DCTN5: variants seen among roughly 807,000 people sequenced by gnomAD.
The protein encoded by DCTN5 is dynactin 4.
Under a neutral mutation model 23.5 loss-of-function variants are expected in DCTN5, and 14 were observed. The observed-to-expected ratio is 0.60, with a 90% CI of 0.39 to 0.93. The LOEUF (loss-of-function observed/expected upper bound fraction) is 0.93. Ranked by LOEUF, DCTN5 falls within the 40% of genes least tolerant of loss-of-function variation. The pLI is 0.00. For synonymous variants in DCTN5, 67 were observed against 79.6 expected (o/e 0.84, Z 0.84); for missense variants, 156 against 225.9 (o/e 0.69, Z 1.98).
chr16:23,643,459 C>G (rs1967354554), intron 2 of DCTN5, among the ~76,000 whole-genome samples: 1 of 152,054 alleles, frequency 6.6e-6, no homozygotes, highest in Non-Finnish European at 1.5e-5. Context: ...TCCCAAAGTG[C>G]TGGGATTATA....
chr16:23,650,598 T>TA lies in DCTN5; in HGVS notation c.117+7576dup, dbSNP rs1967582315. Among the ~76,000 whole-genome samples, 2 of 152,012 alleles carry TA rather than the reference T, an allele frequency of 1.3e-5. 1 individual carries two copies. The highest frequency in any genetic ancestry group is 4.2e-4 in the South Asian group (2 of 4,810). On this transcript the variant is annotated intron_variant, in intron 2 of 5. Transcript: ENST00000300087. ...CTTTGGCCTCCCAAAGTGCTGGGAT[T>TA]ACAGGCATGAGCCACTGCACCCGGC...
intron 2 of DCTN5, 26 bp from the exon 3 acceptor site, chr16:23,658,481 T>G: frequency 1.3e-6 from 2 of 1,550,596 alleles, no homozygotes; most frequent in Non-Finnish European, 1.8e-6. Flanking sequence ...TGTTGCTAAT[T>G]TTTTAAAATT....
chr16:23,663,473 G>A (rs1967851643), intron 4 of DCTN5, among the ~76,000 whole-genome samples: 2 of 152,152 alleles, frequency 1.3e-5, no homozygotes, highest in South Asian at 4.1e-4. Context: ...CAGCACTTTG[G>A]GAGGCCGAGG....
chr16:23,675,472 C>T lies in DCTN5; in HGVS notation c.*8328C>T, dbSNP rs1309295227. 1 of 149,592 alleles carries T rather than the reference C, an allele frequency of 6.7e-6. No individual in the cohort carries two copies. Among genetic ancestry groups the T allele is most frequent in the Non-Finnish European group, 1.5e-5 (1 of 67,824 alleles). The allele number at this position is 149,592 out of a possible 1,614,324, so 9.3% of individuals were successfully genotyped here. The stretch of plus-strand genomic sequence containing the variant: ...CCAAAATCGTGCCACCGCACTCTAG[C>T]CTGGGCAACAGAGCCAGACCATATC... On this transcript the variant is annotated 3_prime_UTR_variant, in exon 6 of 6. Coordinates refer to ENST00000300087, the MANE Select transcript of DCTN5 (RefSeq NM_032486.4).
intron 2 of DCTN5, among the ~76,000 whole-genome samples, chr16:23,654,559 C>T (rs1200324833): frequency 6.6e-6 from 1 of 152,156 alleles, no homozygotes; most frequent in Non-Finnish European, 1.5e-5. Flanking sequence ...ACCTCCATGA[C>T]ACAAGTTTAC....
chr16:23,655,270 A>G (rs1003209527), intron 2 of DCTN5, among the ~76,000 whole-genome samples: 4 of 152,224 alleles, frequency 2.6e-5, no homozygotes, highest in African/African-American at 9.6e-5. Context: ...AGCTTCCATA[A>G]TTAGCAATAT....
intron 5 of DCTN5, chr16:23,666,801 G>C (rs951171211): frequency 3.1e-5 from 17 of 554,832 alleles, no homozygotes; most frequent in Admixed American, 2.0e-4. Context: ...ATTCTACCGT[G>C]TCATGCATCT....
intron 2 of DCTN5, among the ~76,000 whole-genome samples, chr16:23,651,706 T>C (rs1183102332): frequency 6.6e-6 from 1 of 152,188 alleles, no homozygotes; most frequent in Non-Finnish European, 1.5e-5. Flanking sequence ...AGATAATCTC[T>C]TTAAGCTTGA....
intron 1 of DCTN5, among the ~76,000 whole-genome samples, chr16:23,642,411 T>A (rs898816041): frequency 6.6e-6 from 1 of 152,246 alleles, no homozygotes; most frequent in Non-Finnish European, 1.5e-5. Flanking sequence ...GGGATTTGAA[T>A]CCGCGTCTGT....
intron 2 of DCTN5, among the ~76,000 whole-genome samples, chr16:23,648,582 T>G (rs1447310976): frequency 6.6e-6 from 1 of 151,932 alleles, no homozygotes; most frequent in Non-Finnish European, 1.5e-5. Flanking sequence ...ACTCCTGACC[T>G]CAAGTATTCC....
chr16:23,654,364 A>G (rs1033649090), intron 2 of DCTN5, among the ~76,000 whole-genome samples: 2 of 152,122 alleles, frequency 1.3e-5, no homozygotes, highest in African/African-American at 4.8e-5. Context: ...ATGAGATCAT[A>G]TTTTTTGCAG....
chr16:23,655,304 A>G (rs1291663389), intron 2 of DCTN5, among the ~76,000 whole-genome samples: 2 of 152,182 alleles, frequency 1.3e-5, no homozygotes, highest in Non-Finnish European at 2.9e-5. Flanking sequence ...CTTCATCTCT[A>G]AACTCACCTT....
intron 2 of DCTN5, chr16:23,650,630 G>C: frequency 1.1e-6 from 1 of 904,998 alleles, no homozygotes; most frequent in Non-Finnish European, 1.7e-6. Flanking sequence ...CGGCTGGCCC[G>C]TCTGTGCATT....
rs1968035221 is a variant in DCTN5, at chr16:23,673,069, A to G, written c.*5925A>G. 2 of 148,798 alleles carry G rather than the reference A, an allele frequency of 1.3e-5. No individual in the cohort carries two copies. Among genetic ancestry groups the G allele is most frequent in the South Asian group, 2.3e-4 (1 of 4,386 alleles). The allele number at this position is 148,798 out of a possible 1,614,324, so 9.2% of individuals were successfully genotyped here. On this transcript the variant is annotated 3_prime_UTR_variant, in exon 6 of 6. Coordinates refer to ENST00000300087, the MANE Select transcript of DCTN5 (RefSeq NM_032486.4). The stretch of plus-strand genomic sequence containing the variant: ...CGCGAACCCAGGGGGCGGAGCTTGC[A>G]GTGAGCTGTAATTGTGCCACTGCAC...
intron 2 of DCTN5, among the ~76,000 whole-genome samples, chr16:23,655,066 G>A (rs933696319): frequency 3.3e-5 from 5 of 152,106 alleles, no homozygotes; most frequent in Non-Finnish European, 7.4e-5. Flanking sequence ...GGATATCTGG[G>A]TTAGAATCAT....
Position 23,648,802 on chromosome 16 carries a change from G to A in DCTN5, c.117+5779G>A, listed in dbSNP as rs567043061. ...CTTTATGATAAGCATCCTAAACTGC[G>A]GTGAAGTGGTACCTCATTGTGGTCT... is the stretch of plus-strand genomic sequence containing the variant. On this transcript the variant is annotated intron_variant, in intron 2 of 5. Transcript: ENST00000300087. Among the ~76,000 whole-genome samples the A allele has an allele frequency of 4.6e-5, 7 of 152,176 alleles. No homozygotes were observed. The South Asian group carries it at 6.2e-4, about 14-fold the overall frequency.
rs755762900 is a variant in DCTN5, at chr16:23,667,145, C to A, written c.*1C>A. The A allele has an allele frequency of 3.5e-5, 57 of 1,612,182 alleles. No individual in the cohort carries two copies. Among genetic ancestry groups the A allele is most frequent in the Non-Finnish European group, 4.4e-5 (52 of 1,180,010 alleles). On this transcript the variant is annotated 3_prime_UTR_variant, in exon 6 of 6. Transcript: ENST00000300087. ...GTTTTTGCCCCTGACGCAAGTCTAG[C>A]ATCTCTGCCTCATGTCTTGAATCTG... is the stretch of plus-strand genomic sequence containing the variant.
rs1456622497 is a variant in DCTN5, at chr16:23,674,163, A to G, written c.*7019A>G. The G allele has an allele frequency of 6.6e-6, 1 of 152,096 alleles. No homozygotes were observed. Among genetic ancestry groups the G allele is most frequent in the African/African-American group, 2.4e-5 (1 of 41,398 alleles). The allele number at this position is 152,096 out of a possible 1,614,324, so 9.4% of individuals were successfully genotyped here. On this transcript the variant is annotated 3_prime_UTR_variant, in exon 6 of 6. Transcript: ENST00000300087. Reference sequence around the variant, plus strand: ...CTTGAGCTGTTTTAGCCTCAACACGAGCTATGCTGAACTGAAAGCAGGCAC... The same window carrying G: ...CTTGAGCTGTTTTAGCCTCAACACGGGCTATGCTGAACTGAAAGCAGGCAC...
At chr16:23,649,374 C>G (rs921743230) in intron 2 of DCTN5, among the ~76,000 whole-genome samples, 2 of 152,072 alleles carry the variant, frequency 1.3e-5, no homozygotes, top group Non-Finnish European at 1.5e-5. Flanking sequence ...TTGATTGTTT[C>G]CTATGCTGTG....
Sources: gnomAD v4.1 joint callset for allele counts (sites outside exome capture counted in the v4.1 genomes callset) on GRCh38, gnomAD v4.1.1 for gene constraint, MANE v1.5 for transcripts, NCBI Gene and HGNC (gene_info 2026-07-23, HGNC 2026-07-21) for gene names.